The following COL22A1 variants were observed in gnomAD, a reference collection of about 807,000 sequenced individuals.
COL22A1 encodes the protein collagen type XXII alpha 1 chain.
A neutral mutation model predicts 248.9 loss-of-function variants in COL22A1; 221 were observed. The ratio of observed to expected loss-of-function variants is 0.89; its 90% CI spans 0.80 to 0.99. COL22A1 has a LOEUF of 0.99. Among genes scored for constraint, COL22A1 ranks in the 50% least tolerant of loss-of-function variants. The pLI is 0.00. For missense variants in COL22A1, 2,240 were observed against 2,179.0 expected, an observed-to-expected ratio of 1.03 and a Z score of -0.56; for synonymous variants, 891 against 793.4, an observed-to-expected ratio of 1.12 and a Z score of -2.07.
At chr8:138,603,386 C>A (rs1239231784) in intron 59 of COL22A1, among the ~76,000 whole-genome samples, 2 of 152,112 alleles carry the variant, frequency 1.3e-5, no homozygotes, top group African/African-American at 4.8e-5. Flanking sequence ...AATTTAACAA[C>A]AAAAGGCGGC....
At chr8:138,790,909 C>G (rs1458078887) in intron 12 of COL22A1, among the ~76,000 whole-genome samples, 1 of 152,124 alleles carries the variant, frequency 6.6e-6, no homozygotes, top group Admixed American at 6.5e-5. Context: ...AAAGCTCGCA[C>G]CCCCATTTGC....
intron 32 of COL22A1, 37 bp downstream of exon 32, chr8:138,700,075 G>A (rs771999176): frequency 3.7e-6 from 6 of 1,607,324 alleles, no homozygotes; most frequent in Admixed American, 1.7e-5. Context: ...TCCAGGCCGA[G>A]GCACACTGGG....
intron 21 of COL22A1, 21 bp downstream of exon 21, chr8:138,755,120 TGCAGAGCAAACCCTGC>T: frequency 6.2e-7 from 1 of 1,604,368 alleles, no homozygotes; most frequent in Non-Finnish European, 8.5e-7. Context: ...AAGAGAAGCG[TGCAGAGCAAACCCTGC>T]GCAGGAGAGG....
At chr8:138,732,194 A>G (rs1301253179) in intron 23 of COL22A1, among the ~76,000 whole-genome samples, 1 of 152,192 alleles carries the variant, frequency 6.6e-6, no homozygotes, top group Non-Finnish European at 1.5e-5. Flanking sequence ...TCTACACATT[A>G]TTGTCCTTTT....
intron 55 of COL22A1, among the ~76,000 whole-genome samples, chr8:138,614,532 C>G (rs1004640927): frequency 6.6e-6 from 1 of 152,222 alleles, no homozygotes; most frequent in Non-Finnish European, 1.5e-5. Flanking sequence ...GGGAAGGAAG[C>G]ATAGCCCATC....
chr8:138,828,746 T>A (rs1455908890), intron 5 of COL22A1, among the ~76,000 whole-genome samples: 47 of 148,852 alleles, frequency 3.2e-4, no homozygotes, highest in Admixed American at 3.1e-3. Context: ...CGAGACTCCA[T>A]CTCAAAAAAA....
At chr8:138,758,420 T>G (rs897473679) in intron 18 of COL22A1, among the ~76,000 whole-genome samples, 5 of 152,186 alleles carry the variant, frequency 3.3e-5, no homozygotes, top group Admixed American at 2.0e-4. Context: ...AGGTAACTAG[T>G]GCAACCATAG....
intron 47 of COL22A1, among the ~76,000 whole-genome samples, chr8:138,642,287 A>C (rs3935902): frequency 0.018 from 2,697 of 152,284 alleles, 47 homozygotes; most frequent in Middle Eastern, 0.034. Flanking sequence ...TAATCTTGTT[A>C]AACCTTAGTT....
intron 32 of COL22A1, among the ~76,000 whole-genome samples, chr8:138,695,914 G>C (rs540160588): frequency 1.7e-4 from 26 of 152,120 alleles, no homozygotes; most frequent in Non-Finnish European, 3.5e-4. Flanking sequence ...CAGTGAACCA[G>C]TGTGGACACA....
In COL22A1 at chr8:138,867,934, T is replaced by C. The variant is rs188365678; in HGVS notation, c.658+9816A>G. Among the ~76,000 whole-genome samples the C allele has an allele frequency of 9.9e-5, 15 of 152,088 alleles. No individual in the cohort carries two copies. The East Asian group carries it at 2.9e-3, about 29-fold the overall frequency. On this transcript the variant is annotated intron_variant, in intron 3 of 64. Coordinates refer to ENST00000303045, the MANE Select transcript of COL22A1 (RefSeq NM_152888.3). ...CACATGCCAACATGCCTGGCTAACTTTTGTATTTTTAGTACAGACAGGGTT... is the reference window on the plus strand; with the variant it reads ...CACATGCCAACATGCCTGGCTAACTCTTGTATTTTTAGTACAGACAGGGTT...
rs191726928 is a variant in COL22A1 at position 138,594,523 on chromosome 8, G to A, written c.4433-324C>T. ...CAGGCTGGGATCCCAGGACAGCCAC[G>A]GACAGCCAGGTGGCCTTGAGCAAGC... On this transcript the variant is annotated intron_variant, in intron 62 of 64. Transcript: ENST00000303045. Among the ~76,000 whole-genome samples the A allele has an allele frequency of 1.4e-4, 22 of 152,276 alleles. No individual in the cohort carries two copies. In the South Asian group the frequency reaches 2.9e-3, roughly 20 times the overall value.
intron 4 of COL22A1, among the ~76,000 whole-genome samples, chr8:138,835,642 G>A (rs1463572454): frequency 6.6e-6 from 1 of 152,148 alleles, no homozygotes; most frequent in African/African-American, 2.4e-5. Context: ...CTGAACATAG[G>A]GCCTCACTCT....
At chr8:138,760,319 T>G (rs1193584702) in intron 17 of COL22A1, 32 bp from the exon 18 acceptor site, 4 of 1,588,894 alleles carry the variant, frequency 2.5e-6, no homozygotes, top group African/African-American at 1.4e-5. Context: ...CAGATTATGA[T>G]GGGCACTACG....
At chr8:138,803,825 T>C (rs1563782751) in intron 10 of COL22A1, among the ~76,000 whole-genome samples, 1 of 152,206 alleles carries the variant, frequency 6.6e-6, no homozygotes, top group Admixed American at 6.5e-5. Context: ...ATCTGAAACT[T>C]TATCTCTCTT....
At chr8:138,690,576 A>G (rs1024018882) in intron 36 of COL22A1, among the ~76,000 whole-genome samples, 2 of 152,056 alleles carry the variant, frequency 1.3e-5, no homozygotes, top group African/African-American at 4.8e-5. Flanking sequence ...ACACCAGTGA[A>G]ATGTACAGAC....
At chr8:138,772,492 G>A (rs552967332) in intron 16 of COL22A1, among the ~76,000 whole-genome samples, 5 of 152,150 alleles carry the variant, frequency 3.3e-5, no homozygotes, top group South Asian at 4.2e-4. Flanking sequence ...TGAGCAAAGC[G>A]TATTTAAAAA....
At chr8:138,830,230 T>C (rs367893852) in intron 5 of COL22A1, among the ~76,000 whole-genome samples, 25 of 152,318 alleles carry the variant, frequency 1.6e-4, no homozygotes, top group East Asian at 1.2e-3. Flanking sequence ...CTGTCCCATT[T>C]TGAGTCTCAA....
rs1827270508 is a variant in COL22A1, at chr8:138,693,756, C to T, written c.2701-57G>A. 12 of 1,517,834 alleles carry T rather than the reference C, an allele frequency of 7.9e-6. No individual in the cohort carries two copies. The South Asian group carries it at 1.4e-4, about 18-fold the overall frequency. 94.0% of individuals were successfully genotyped at this position (1,517,834 alleles called of 1,614,324 possible). On this transcript the variant is annotated intron_variant, in intron 34 of 64. Transcript: ENST00000303045. ...AGACACCCTCAGTGATGCTGTTTCC[C>T]CTCACAGCAGGGAGGTCTCGGGAAT... is the stretch of plus-strand genomic sequence containing the variant.
intron 27 of COL22A1, among the ~76,000 whole-genome samples, chr8:138,719,195 CT>C (rs1316965658): frequency 4.6e-5 from 7 of 152,026 alleles, no homozygotes; most frequent in Non-Finnish European, 8.8e-5. Context: ...GGCCCGAGTA[CT>C]TTTAAGACCA....
Sources: gnomAD v4.1 joint callset for allele counts (sites outside exome capture counted in the v4.1 genomes callset) on GRCh38, gnomAD v4.1.1 for gene constraint, MANE v1.5 for transcripts, NCBI Gene and HGNC (gene_info 2026-07-23, HGNC 2026-07-21) for gene names.